The following DLG2 variants were observed in gnomAD, a reference collection of about 807,000 sequenced individuals.
DLG2 encodes the protein disks large homolog 2.
DLG2 carries 45 observed loss-of-function variants against 132.5 expected under a neutral mutation model. That is an observed-to-expected ratio of 0.34 (90% CI 0.27 to 0.44). The LOEUF (loss-of-function observed/expected upper bound fraction) is 0.44, where lower values mean the gene tolerates loss of function less well. Among genes scored for constraint, DLG2 ranks in the 20% least tolerant of loss-of-function variants. DLG2 has a pLI of 1.00. For synonymous variants in DLG2, 424 were observed against 419.6 expected (o/e 1.01, Z -0.13); for missense variants, 1,045 against 1,196.9 (o/e 0.87, Z 1.87).
intron 3 of DLG2, among the ~76,000 whole-genome samples, chr11:85,392,748 T>C (rs2086910865): frequency 6.6e-6 from 1 of 152,136 alleles, no homozygotes; most frequent in Admixed American, 6.6e-5. Flanking sequence ...CAAATGGTGC[T>C]GGGATAACTG....
intron 8 of DLG2, among the ~76,000 whole-genome samples, chr11:84,182,030 T>C (rs1305481253): frequency 2.0e-5 from 3 of 152,174 alleles, no homozygotes; most frequent in Non-Finnish European, 4.4e-5. Context: ...ACAACTGATA[T>C]CAAGCACATC....
intron 6 of DLG2, among the ~76,000 whole-genome samples, chr11:84,663,618 G>C (rs760881045): frequency 1.3e-5 from 2 of 151,818 alleles, no homozygotes; most frequent in Non-Finnish European, 2.9e-5. Context: ...AGTTTCTTTA[G>C]GACTGTCTTA....
At chr11:83,893,883 T>C (rs2070748940) in intron 15 of DLG2, among the ~76,000 whole-genome samples, 1 of 152,214 alleles carries the variant, frequency 6.6e-6, no homozygotes, top group African/African-American at 2.4e-5. Context: ...TGACTTCATT[T>C]AACAGGAAGC....
chr11:83,914,732 G>A (rs2076643594), intron 15 of DLG2, among the ~76,000 whole-genome samples: 1 of 152,132 alleles, frequency 6.6e-6, no homozygotes, highest in South Asian at 2.1e-4. Flanking sequence ...ACTGTTGATG[G>A]TCATTAGACA....
chr11:85,562,706 T>G (rs918769225), intron 3 of DLG2, among the ~76,000 whole-genome samples: 3 of 151,730 alleles, frequency 2.0e-5, no homozygotes, highest in Non-Finnish European at 4.4e-5. Context: ...AAGTATTCCC[T>G]AAAGCCCGAT....
At chr11:84,776,819 A>G (rs1314963704) in intron 6 of DLG2, among the ~76,000 whole-genome samples, 2 of 152,198 alleles carry the variant, frequency 1.3e-5, no homozygotes, top group African/African-American at 4.8e-5. Flanking sequence ...GACATTTGGT[A>G]TCTTTCCAGC....
intron 6 of DLG2, among the ~76,000 whole-genome samples, chr11:84,817,248 T>G (rs1213633899): frequency 6.6e-6 from 1 of 152,008 alleles, no homozygotes; most frequent in Non-Finnish European, 1.5e-5. Context: ...AGCAAGTTAC[T>G]TTTTCTAGGC....
intron 6 of DLG2, among the ~76,000 whole-genome samples, chr11:84,619,870 A>G (rs1484487332): frequency 5.3e-5 from 8 of 151,746 alleles, no homozygotes; most frequent in Admixed American, 5.2e-4. Flanking sequence ...ATCATAAGAA[A>G]TCAATCTTCC....
At chr11:85,270,591 G>T (rs2077469043) in intron 4 of DLG2, among the ~76,000 whole-genome samples, 1 of 152,160 alleles carries the variant, frequency 6.6e-6, no homozygotes, top group Non-Finnish European at 1.5e-5. Context: ...GGAAAATGTG[G>T]GAAAGTTTGG....
chr11:83,515,668 T>C (rs1363174668), intron 21 of DLG2, among the ~76,000 whole-genome samples: 2 of 152,258 alleles, frequency 1.3e-5, no homozygotes, highest in African/African-American at 4.8e-5. Flanking sequence ...TTTAGTGGTA[T>C]AAATTTCCCT....
intron 6 of DLG2, among the ~76,000 whole-genome samples, chr11:84,705,168 C>T (rs2059655347): frequency 6.6e-6 from 1 of 151,664 alleles, no homozygotes; most frequent in East Asian, 1.9e-4. Context: ...TGACTTACTT[C>T]AGAAAGACTT....
At chr11:84,856,892 A>T (rs895946570) in intron 6 of DLG2, among the ~76,000 whole-genome samples, 6 of 152,080 alleles carry the variant, frequency 3.9e-5, no homozygotes, top group African/African-American at 1.4e-4. Context: ...AGGCTGAAAA[A>T]GTAATATAAA....
chr11:84,583,488 A>T (rs954561934), intron 6 of DLG2, among the ~76,000 whole-genome samples: 3 of 152,250 alleles, frequency 2.0e-5, no homozygotes, highest in Non-Finnish European at 4.4e-5. Flanking sequence ...AGCCTGAAAG[A>T]AAAACTTGCT....
chr11:85,021,337 C>T (rs2060047404), intron 6 of DLG2: 2 of 1,271,750 alleles, frequency 1.6e-6, no homozygotes, highest in Non-Finnish European at 1.2e-6. Flanking sequence ...GAAAGAAGAG[C>T]CATACATCTG....
intron 6 of DLG2, among the ~76,000 whole-genome samples, chr11:84,995,586 T>A (rs763317724): frequency 4.6e-5 from 7 of 152,210 alleles, no homozygotes; most frequent in Non-Finnish European, 1.0e-4. Context: ...TTGAAATATA[T>A]ACACTTACAT....
chr11:84,656,874 C>A (rs1430729201), intron 6 of DLG2, among the ~76,000 whole-genome samples: 3 of 152,098 alleles, frequency 2.0e-5, no homozygotes, highest in African/African-American at 4.8e-5. Context: ...ATTCTCTACC[C>A]CCCAACAAGT....
At chr11:84,335,578 G>A (rs971780156) in intron 7 of DLG2, among the ~76,000 whole-genome samples, 2 of 152,146 alleles carry the variant, frequency 1.3e-5, no homozygotes, top group Non-Finnish European at 2.9e-5. Flanking sequence ...GTTTACGGGT[G>A]TTTTATGTCA....
At chr11:83,874,343 G>C in intron 16 of DLG2, 77 bp downstream of exon 16, 1 of 1,019,164 alleles carries the variant, frequency 9.8e-7, no homozygotes, top group Non-Finnish European at 1.4e-6. Flanking sequence ...GAGAAAGAGA[G>C]ACAGAGACAG....
At chr11:84,864,548 C>T (rs182964022) in intron 6 of DLG2, among the ~76,000 whole-genome samples, 28 of 152,232 alleles carry the variant, frequency 1.8e-4, no homozygotes, top group African/African-American at 6.5e-4. Context: ...ACCATATTTG[C>T]ACCCACTGTA....
Sources: gnomAD v4.1 joint callset for allele counts (sites outside exome capture counted in the v4.1 genomes callset) on GRCh38, gnomAD v4.1.1 for gene constraint, MANE v1.5 for transcripts, NCBI Gene and HGNC (gene_info 2026-07-23, HGNC 2026-07-21) for gene names.